Variants in MBD5 observed in about 807,000 individuals in gnomAD.
MBD5 encodes methyl-CpG-binding domain protein 5.
Under a neutral mutation model 117.3 loss-of-function variants are expected in MBD5, and 13 were observed. The ratio of observed to expected loss-of-function variants is 0.11; its 90% CI spans 0.07 to 0.18. The LOEUF (loss-of-function observed/expected upper bound fraction) is 0.18. Among genes scored for constraint, MBD5 ranks in the 10% least tolerant of loss-of-function variants. MBD5 has a pLI of 1.00. For synonymous variants in MBD5, 727 were observed against 766.4 expected (o/e 0.95, Z 0.85); for missense variants, 1,879 against 2,093.8 (o/e 0.90, Z 2.00).
chr2:148,460,780 T>C (rs1466982272), intron 5 of MBD5, among the ~76,000 whole-genome samples: 1 of 152,234 alleles, frequency 6.6e-6, no homozygotes, highest in African/African-American at 2.4e-5. Flanking sequence ...AGTACTTTAA[T>C]AGAATTAAGG....
intron 1 of MBD5, among the ~76,000 whole-genome samples, chr2:148,125,046 G>A (rs563469909): frequency 1.7e-3 from 260 of 151,464 alleles, no homozygotes; most frequent in Non-Finnish European, 3.1e-3. Context: ...CTTTTTAAAC[G>A]TAAGATTTAA....
chr2:148,240,304 T>C (rs1382275299), intron 3 of MBD5, among the ~76,000 whole-genome samples: 1 of 151,926 alleles, frequency 6.6e-6, no homozygotes, highest in Non-Finnish European at 1.5e-5. Flanking sequence ...CATTAGGAGA[T>C]ATACCTAATG....
chr2:148,203,792 T>C (rs1438061231), intron 2 of MBD5, among the ~76,000 whole-genome samples: 1 of 21,334 alleles, frequency 4.7e-5, no homozygotes, highest in Non-Finnish European at 2.9e-3. Context: ...CCCATACTTG[T>C]GATTATAAGC....
chr2:148,421,468 G>T (rs1363503912), intron 4 of MBD5, among the ~76,000 whole-genome samples: 1 of 152,016 alleles, frequency 6.6e-6, no homozygotes, highest in African/African-American at 2.4e-5. Context: ...CGCCAACAGG[G>T]TTCTGGGTTT....
At chr2:148,180,757 A>G (rs1698513088) in intron 2 of MBD5, among the ~76,000 whole-genome samples, 1 of 151,960 alleles carries the variant, frequency 6.6e-6, no homozygotes, top group Admixed American at 6.6e-5. Flanking sequence ...TCTTAGGTCC[A>G]TGGGGCACTG....
chr2:148,197,387 ATTGT>A (rs1374489313), intron 2 of MBD5, among the ~76,000 whole-genome samples: 2 of 152,110 alleles, frequency 1.3e-5, no homozygotes, highest in African/African-American at 2.4e-5. Flanking sequence ...CAAACTAATG[ATTGT>A]TTGTTATGCA....
intron 1 of MBD5, among the ~76,000 whole-genome samples, chr2:148,114,352 C>A (rs1696573127): frequency 6.6e-6 from 1 of 152,006 alleles, no homozygotes; most frequent in African/African-American, 2.4e-5. Context: ...CGCCTGTAAT[C>A]TCCGCTTCTC....
intron 3 of MBD5, among the ~76,000 whole-genome samples, chr2:148,324,544 C>T (rs978752237): frequency 3.3e-5 from 5 of 152,064 alleles, no homozygotes; most frequent in Admixed American, 6.5e-5. Flanking sequence ...TGAAGAGGTC[C>T]TTCACATCCC....
chr2:148,092,623 C>A (rs1013128040), intron 1 of MBD5, among the ~76,000 whole-genome samples: 10 of 152,060 alleles, frequency 6.6e-5, no homozygotes, highest in African/African-American at 2.4e-4. Flanking sequence ...TATTAGAATG[C>A]AAATGCATAA....
chr2:148,030,001 G>A (rs1693995546), intron 1 of MBD5, among the ~76,000 whole-genome samples: 1 of 152,166 alleles, frequency 6.6e-6, no homozygotes, highest in Non-Finnish European at 1.5e-5. Flanking sequence ...GCCAGGTGCG[G>A]TGGCTCATGC....
chr2:148,387,993 A>G (rs1416301640), intron 4 of MBD5, among the ~76,000 whole-genome samples: 37 of 152,176 alleles, frequency 2.4e-4, no homozygotes, highest in Admixed American at 2.4e-3. Flanking sequence ...TAAACTTCAT[A>G]TGAAAAAGCA....
At position 148,357,062 on chromosome 2, in the gene MBD5, G is replaced by A. The variant is rs78685016; in HGVS notation, c.-557+14726G>A. Among the ~76,000 whole-genome samples, 1,351 of 152,318 alleles carry A rather than the reference G, an allele frequency of 8.9e-3. 11 individuals are homozygous for A. Among genetic ancestry groups the A allele is most frequent in the African/African-American group, 0.03 (1,256 of 41,568 alleles). ...TAGAAGATGCAAGCCTAGGGGCAGA[G>A]CCTTACAGGTCTGGGGGAAAGGAGA... On this transcript the variant is annotated intron_variant, in intron 4 of 13. Coordinates refer to ENST00000642680, the MANE Select transcript of MBD5 (RefSeq NM_001378120.1).
intron 2 of MBD5, among the ~76,000 whole-genome samples, chr2:148,225,241 G>T (rs1699792312): frequency 6.6e-6 from 1 of 151,908 alleles, no homozygotes; most frequent in African/African-American, 2.4e-5. Context: ...GTTACCAAGA[G>T]GTTTGCAAAT....
At chr2:148,116,314 G>A (rs770751646) in intron 1 of MBD5, among the ~76,000 whole-genome samples, 4 of 151,992 alleles carry the variant, frequency 2.6e-5, no homozygotes, top group African/African-American at 9.7e-5. Context: ...AGAGATGTCT[G>A]CCAGAGTCCT....
At chr2:148,218,126 G>T (rs1699602067) in intron 2 of MBD5, among the ~76,000 whole-genome samples, 1 of 152,098 alleles carries the variant, frequency 6.6e-6, no homozygotes, top group Non-Finnish European at 1.5e-5. Flanking sequence ...AATATGGCAT[G>T]GGACTTAAGA....
intron 4 of MBD5, among the ~76,000 whole-genome samples, chr2:148,350,808 T>C (rs17355620): frequency 0.01 from 1,558 of 152,188 alleles, 30 homozygotes; most frequent in Middle Eastern, 0.041. Flanking sequence ...CTTCAGTTGA[T>C]AGTGAGACAC....
intron 1 of MBD5, among the ~76,000 whole-genome samples, chr2:148,095,955 T>C (rs1325984087): frequency 6.6e-6 from 1 of 152,132 alleles, no homozygotes; most frequent in Non-Finnish European, 1.5e-5. Flanking sequence ...CTATTGAAAG[T>C]TAAAAGTGAT....
At chr2:148,035,275 A>G (rs763121504) in intron 1 of MBD5, among the ~76,000 whole-genome samples, 1 of 152,210 alleles carries the variant, frequency 6.6e-6, no homozygotes, top group Non-Finnish European at 1.5e-5. Flanking sequence ...AGCAGGGTGC[A>G]CTATTAGTAA....
At chr2:148,482,519 G>A (rs1173505824) in intron 8 of MBD5, among the ~76,000 whole-genome samples, 1 of 151,938 alleles carries the variant, frequency 6.6e-6, no homozygotes, top group Non-Finnish European at 1.5e-5. Context: ...ATGCATGCCT[G>A]CATATGTATA....
Sources: allele counts gnomAD v4.1 joint callset (sites outside exome capture counted in the v4.1 genomes callset), GRCh38; gene constraint gnomAD v4.1.1; transcripts MANE v1.5; gene names NCBI Gene and HGNC (gene_info 2026-07-23, HGNC 2026-07-21).